Variants in FOXP1 observed in about 807,000 individuals in gnomAD.
FOXP1 encodes the protein forkhead box P1.
A neutral mutation model predicts 98.2 loss-of-function variants in FOXP1; 15 were observed. The ratio of observed to expected loss-of-function variants is 0.15; its 90% confidence interval spans 0.10 to 0.24. The LOEUF is 0.24. FOXP1 is among the 10% of genes least tolerant of loss of function. FOXP1 has a pLI of 1.00. For missense variants in FOXP1, 633 were observed against 848.5 expected, an observed-to-expected ratio of 0.75 and a Z score of 3.15; for synonymous variants, 371 against 314.5, an observed-to-expected ratio of 1.18 and a Z score of -1.90.
At chr3:71,280,125 A>G (rs1387022961) in intron 5 of FOXP1, among the ~76,000 whole-genome samples, 1 of 74,950 alleles carries the variant, frequency 1.3e-5, no homozygotes, top group Non-Finnish European at 2.7e-5. Context: ...TCTGTCTCAA[A>G]CAAAAAAAAA....
intron 2 of FOXP1, among the ~76,000 whole-genome samples, chr3:71,524,901 G>T (rs1342339383): frequency 1.3e-5 from 2 of 152,178 alleles, no homozygotes; most frequent in Admixed American, 6.5e-5. Context: ...ACAGGTCACC[G>T]TGCGGCCCAC....
intron 3 of FOXP1, among the ~76,000 whole-genome samples, chr3:71,374,669 G>C (rs1266881556): frequency 2.6e-5 from 4 of 152,152 alleles, no homozygotes; most frequent in Non-Finnish European, 4.4e-5. Flanking sequence ...AGCTATTGGA[G>C]GTAGCAAAAA....
At chr3:71,290,714 C>T (rs1187220792) in intron 5 of FOXP1, among the ~76,000 whole-genome samples, 1 of 152,184 alleles carries the variant, frequency 6.6e-6, no homozygotes, top group Non-Finnish European at 1.5e-5. Flanking sequence ...TAGCCTTAAT[C>T]CAATATTCTG....
intron 4 of FOXP1, among the ~76,000 whole-genome samples, chr3:71,315,629 TCTGTGTGACCAAGGTCACACAGG>T (rs1224834581): frequency 6.6e-6 from 1 of 152,170 alleles, no homozygotes; most frequent in Non-Finnish European, 1.5e-5. Flanking sequence ...GGGAGGGGAC[TCTGTGTGACCAAGGTCACACAGG>T]TGGTGGGGAC....
chr3:71,358,265 G>A (rs1274340954), intron 4 of FOXP1, among the ~76,000 whole-genome samples: 5 of 152,128 alleles, frequency 3.3e-5, no homozygotes, highest in South Asian at 4.2e-4. Flanking sequence ...TAATCTACCC[G>A]CATATCCCTT....
rs974765858 is a variant in FOXP1 at position 70,956,398 on chromosome 3, T to A, written c.*2849A>T. The A allele has an allele frequency of 8.6e-6, 2 of 231,800 alleles. No individual in the cohort carries two copies. Among genetic ancestry groups the A allele is most frequent in the Non-Finnish European group, 1.7e-5 (2 of 117,326 alleles). The allele number at this position is 231,800 out of a possible 1,614,324, so 14.4% of individuals were successfully genotyped here. A position where few individuals can be genotyped will look rare whatever the true frequency, so the allele number is the denominator to read the frequency against. ...CAAGGCTGTGATACCTGCAAAGATATGTAAAATCTAATTTTTCTTTTTTTT... is the reference window on the plus strand; with the variant it reads ...CAAGGCTGTGATACCTGCAAAGATAAGTAAAATCTAATTTTTCTTTTTTTT... On this transcript the variant is annotated 3_prime_UTR_variant, in exon 21 of 21. Coordinates refer to ENST00000649528, the MANE Select transcript of FOXP1 (RefSeq NM_001349338.3).
At chr3:71,237,201 C>T (rs895839466) in intron 5 of FOXP1, among the ~76,000 whole-genome samples, 7 of 118,078 alleles carry the variant, frequency 5.9e-5, no homozygotes, top group Admixed American at 2.3e-4. Flanking sequence ...CACTGCACTC[C>T]AGCCTGGGCG....
At chr3:71,319,500 T>C (rs1435533949) in intron 4 of FOXP1, among the ~76,000 whole-genome samples, 1 of 152,208 alleles carries the variant, frequency 6.6e-6, no homozygotes, top group Non-Finnish European at 1.5e-5. Context: ...CTGGTGTGAC[T>C]TTATAATCTC....
chr3:71,460,343 G>A (rs757133175), intron 3 of FOXP1, among the ~76,000 whole-genome samples: 8 of 151,712 alleles, frequency 5.3e-5, no homozygotes, highest in African/African-American at 1.5e-4. Flanking sequence ...GGATTCAAGC[G>A]ATTCTCCTGC....
At chr3:71,340,303 T>C (rs190118659) in intron 4 of FOXP1, among the ~76,000 whole-genome samples, 249 of 152,384 alleles carry the variant, frequency 1.6e-3, no homozygotes, top group Non-Finnish European at 3.0e-3. Flanking sequence ...TAGACAGTTA[T>C]AACTCTTTGA....
chr3:71,395,685 TG>T (rs2081329426), intron 3 of FOXP1, among the ~76,000 whole-genome samples: 1 of 152,156 alleles, frequency 6.6e-6, no homozygotes, highest in Admixed American at 6.5e-5. Context: ...TTGGCAGTCT[TG>T]TTAACAGTTA....
At chr3:71,054,667 ATT>A (rs2050371808) in intron 7 of FOXP1, among the ~76,000 whole-genome samples, 1 of 152,204 alleles carries the variant, frequency 6.6e-6, no homozygotes, top group African/African-American at 2.4e-5. Context: ...CTTGTGTTTA[ATT>A]TGCAGACTAC....
At chr3:71,222,536 A>G (rs2065480102) in intron 5 of FOXP1, among the ~76,000 whole-genome samples, 1 of 152,092 alleles carries the variant, frequency 6.6e-6, no homozygotes, top group Non-Finnish European at 1.5e-5. Context: ...CTCATGCCTT[A>G]GCCTCCAGAG....
intron 6 of FOXP1, among the ~76,000 whole-genome samples, chr3:71,175,581 G>A (rs948812462): frequency 6.6e-6 from 1 of 152,194 alleles, no homozygotes; most frequent in Non-Finnish European, 1.5e-5. Context: ...AGTTAGTTGG[G>A]CTTTTGTGCT....
At chr3:71,480,649 G>A (rs1052376597) in intron 3 of FOXP1, among the ~76,000 whole-genome samples, 15 of 152,128 alleles carry the variant, frequency 9.9e-5, no homozygotes, top group Admixed American at 5.2e-4. Context: ...AGCAAAAGAC[G>A]AACAGCTGAA....
chr3:71,015,692 CT>C (rs779603917), intron 11 of FOXP1, 39 bp from the exon 12 acceptor site: 1 of 1,401,894 alleles, frequency 7.1e-7, no homozygotes, highest in Non-Finnish European at 1.0e-6. Flanking sequence ...AATGAATTTG[CT>C]GCCAAGAACC....
chr3:71,433,415 C>T (rs1027312616), intron 3 of FOXP1, among the ~76,000 whole-genome samples: 3 of 152,056 alleles, frequency 2.0e-5, no homozygotes, highest in African/African-American at 4.8e-5. Flanking sequence ...CTGAAATGCA[C>T]GTGCAATTGA....
intron 4 of FOXP1, among the ~76,000 whole-genome samples, chr3:71,335,481 C>A (rs1011319525): frequency 3.3e-5 from 5 of 151,798 alleles, no homozygotes; most frequent in Admixed American, 3.3e-4. Context: ...TTCTCGAGAA[C>A]CAAAACTGTC....
chr3:71,316,383 C>A (rs2075075191), intron 4 of FOXP1, among the ~76,000 whole-genome samples: 1 of 152,150 alleles, frequency 6.6e-6, no homozygotes, highest in African/African-American at 2.4e-5. Flanking sequence ...CACAGCTGTG[C>A]TGTACCTGTG....
Sources: gnomAD v4.1 joint callset for allele counts (sites outside exome capture counted in the v4.1 genomes callset) on GRCh38, gnomAD v4.1.1 for gene constraint, MANE v1.5 for transcripts, NCBI Gene and HGNC (gene_info 2026-07-23, HGNC 2026-07-21) for gene names.